Variants in FAM168A observed in about 807,000 individuals in gnomAD.
FAM168A encodes protein FAM168A.
FAM168A carries 3 observed loss-of-function variants against 28.5 expected under a neutral mutation model. The observed-to-expected ratio is 0.11, with a 90% CI of 0.05 to 0.27. FAM168A has a LOEUF of 0.27. Ranked by LOEUF, FAM168A falls within the 10% of genes least tolerant of loss-of-function variation. The probability of loss-of-function intolerance (pLI) is 1.00; values close to 1 mark genes in which losing one functional copy is unlikely to be tolerated. For synonymous variants in FAM168A, 122 were observed against 124.2 expected (o/e 0.98, Z 0.12); for missense variants, 222 against 311.5 (o/e 0.71, Z 2.16).
At chr11:73,433,643 T>G (rs780391590) in intron 2 of FAM168A, among the ~76,000 whole-genome samples, 1 of 152,160 alleles carries the variant, frequency 6.6e-6, no homozygotes, top group Non-Finnish European at 1.5e-5. Context: ...TAATTACATA[T>G]TCTTCAAAAG....
rs78642154 is a variant in FAM168A, at chr11:73,448,495, G to C, written c.71-17725C>G. Among the ~76,000 whole-genome samples the C allele has an allele frequency of 4.0e-4, 61 of 152,314 alleles. No individual in the cohort carries two copies. In the East Asian group the frequency reaches 0.011, roughly 28 times the overall value. On this transcript the variant is annotated intron_variant, in intron 2 of 7. Transcript: ENST00000356467. ...TTTACTTGCCTGGGTAATTGTGATA[G>C]ACAATGGGCTCACTAACCCAATGAT...
intron 1 of FAM168A, among the ~76,000 whole-genome samples, chr11:73,590,881 G>A (rs1405711175): frequency 2.0e-5 from 3 of 152,046 alleles, no homozygotes; most frequent in East Asian, 1.9e-4. Flanking sequence ...GCAGGCTCAC[G>A]CCTGTAATCC....
intron 2 of FAM168A, among the ~76,000 whole-genome samples, chr11:73,445,658 G>A (rs1277261992): frequency 1.3e-5 from 2 of 151,442 alleles, no homozygotes; most frequent in African/African-American, 4.9e-5. Context: ...GAAGTAGGTG[G>A]GAAATGTGTG....
chr11:73,484,522 A>ATCTATATATCTATATATCTATC (rs1182048611), intron 1 of FAM168A, among the ~76,000 whole-genome samples: 21 of 142,740 alleles, frequency 1.5e-4, no homozygotes, highest in South Asian at 2.2e-4. Context: ...ATATAGATAT[A>ATCTATATATCTATATATCTATC]TATATCTATA....
intron 1 of FAM168A, among the ~76,000 whole-genome samples, chr11:73,528,522 G>C (rs906548304): frequency 3.3e-5 from 5 of 152,134 alleles, no homozygotes; most frequent in Admixed American, 2.6e-4. Context: ...ATTGTACCTA[G>C]AGTGGATGTG....
intron 1 of FAM168A, among the ~76,000 whole-genome samples, chr11:73,514,705 C>T (rs909972224): frequency 6.6e-6 from 1 of 152,108 alleles, no homozygotes; most frequent in Non-Finnish European, 1.5e-5. Flanking sequence ...TGGTGGTGTG[C>T]TCCTGTAGTC....
intron 1 of FAM168A, among the ~76,000 whole-genome samples, chr11:73,469,929 T>G (rs1328956143): frequency 6.6e-6 from 1 of 152,206 alleles, no homozygotes; most frequent in Non-Finnish European, 1.5e-5. Context: ...TTGTTTTTTT[T>G]GAGACGGAGT....
At chr11:73,451,380 C>T (rs892954025) in intron 2 of FAM168A, among the ~76,000 whole-genome samples, 2 of 152,182 alleles carry the variant, frequency 1.3e-5, no homozygotes, top group Non-Finnish European at 2.9e-5. Flanking sequence ...GAAAAGGCTT[C>T]GTTATTAGAG....
Position 73,406,306 on chromosome 11 carries a change from A to G in FAM168A, c.*457T>C, listed in dbSNP as rs1866505454. 6.6e-6 allele frequency: 1 copy of G among 152,224 alleles called. No homozygotes were observed. Among genetic ancestry groups the G allele is most frequent in the South Asian group, 2.1e-4 (1 of 4,832 alleles). The allele number at this position is 152,224 out of a possible 1,614,324, so 9.4% of individuals were successfully genotyped here. A position where few individuals can be genotyped will look rare whatever the true frequency, so the allele number is the denominator to read the frequency against. ...TAATCTTGCTTAAGAAAAAACAACC[A>G]GAACACTCCCCTAGAGATGTAGCCT... On this transcript the variant is annotated 3_prime_UTR_variant, in exon 8 of 8. Coordinates refer to ENST00000356467, the MANE Select transcript of FAM168A (RefSeq NM_015159.3).
At chr11:73,589,895 C>G (rs1003706703) in intron 1 of FAM168A, among the ~76,000 whole-genome samples, 1 of 152,102 alleles carries the variant, frequency 6.6e-6, no homozygotes, top group African/African-American at 2.4e-5. Flanking sequence ...CCATTGCACT[C>G]CAGCCTGGGC....
chr11:73,569,803 A>C (rs192117170), intron 1 of FAM168A, among the ~76,000 whole-genome samples: 7 of 151,132 alleles, frequency 4.6e-5, no homozygotes, highest in Admixed American at 4.0e-4. Context: ...CAGCCTGGGC[A>C]ATAGAGTGAG....
intron 3 of FAM168A, chr11:73,424,917 G>A: frequency 1.0e-6 from 1 of 956,448 alleles, no homozygotes; most frequent in Non-Finnish European, 1.5e-6. Flanking sequence ...GGGAGCCCAA[G>A]CCTAGGGGAT....
intron 3 of FAM168A, among the ~76,000 whole-genome samples, chr11:73,426,205 G>C (rs1373123225): frequency 3.3e-5 from 5 of 152,164 alleles, no homozygotes; most frequent in African/African-American, 4.8e-5. Context: ...TTTCAAGCCA[G>C]ATTACCATTA....
chr11:73,426,749 G>A (rs1866892570), intron 3 of FAM168A, among the ~76,000 whole-genome samples: 1 of 148,732 alleles, frequency 6.7e-6, no homozygotes, highest in African/African-American at 2.5e-5. Context: ...AACTCAAAGG[G>A]AAAGGGATCT....
chr11:73,534,807 T>C (rs749863417), intron 1 of FAM168A, among the ~76,000 whole-genome samples: 3 of 152,212 alleles, frequency 2.0e-5, no homozygotes, highest in African/African-American at 4.8e-5. Flanking sequence ...TCCCCTAGTA[T>C]AGAAGACTAA....
intron 1 of FAM168A, among the ~76,000 whole-genome samples, chr11:73,497,659 ACC>A (rs1350808757): frequency 5.3e-5 from 8 of 151,878 alleles, no homozygotes; most frequent in African/African-American, 1.7e-4. Context: ...AAAACAGAAA[ACC>A]AAACACCACA....
At chr11:73,431,086 G>A (rs910995405) in intron 2 of FAM168A, among the ~76,000 whole-genome samples, 3 of 152,130 alleles carry the variant, frequency 2.0e-5, no homozygotes, top group Admixed American at 6.5e-5. Flanking sequence ...GCTCATGCCT[G>A]TAATCCCAGC....
intron 1 of FAM168A, among the ~76,000 whole-genome samples, chr11:73,473,772 T>C (rs1005116312): frequency 6.6e-6 from 1 of 151,994 alleles, no homozygotes; most frequent in South Asian, 2.1e-4. Flanking sequence ...TTATCTAAAA[T>C]AGGTCCTCCA....
chr11:73,564,742 CAA>C (rs1294055661), intron 1 of FAM168A, among the ~76,000 whole-genome samples: 2 of 50,176 alleles, frequency 4.0e-5, no homozygotes, highest in African/African-American at 7.1e-5. Context: ...GACTCCGTCA[CAA>C]AAAAAAAAAA....
Sources: allele counts gnomAD v4.1 joint callset (sites outside exome capture counted in the v4.1 genomes callset), GRCh38; gene constraint gnomAD v4.1.1; transcripts MANE v1.5; gene names NCBI Gene and HGNC (gene_info 2026-07-23, HGNC 2026-07-21).